Variants in ETNK1 observed in about 807,000 individuals in gnomAD.
ETNK1 encodes the protein ethanolamine kinase 1, also known as putative protein product of Nbla10396.
In ETNK1, 8 loss-of-function variants were observed where a neutral mutation model predicts 45.1. The observed-to-expected ratio is 0.18, with a 90% CI of 0.10 to 0.32. The LOEUF is 0.32. ETNK1 is among the 10% of genes least tolerant of loss of function. The pLI is 1.00. For synonymous variants in ETNK1, 152 were observed against 151.9 expected, an observed-to-expected ratio of 1.00 and a Z score of -0.01; for missense variants, 302 against 430.6, an observed-to-expected ratio of 0.70 and a Z score of 2.64.
chr12:22,639,739 C>G (rs1953711039), intron 1 of ETNK1, among the ~76,000 whole-genome samples: 1 of 151,940 alleles, frequency 6.6e-6, no homozygotes, highest in Non-Finnish European at 1.5e-5. Context: ...CAGTGTATTT[C>G]ATATTGCATC....
At chr12:22,635,085 T>C (rs1953637504) in intron 1 of ETNK1, among the ~76,000 whole-genome samples, 1 of 152,236 alleles carries the variant, frequency 6.6e-6, no homozygotes, top group South Asian at 2.1e-4. Context: ...ACACAGCCTT[T>C]CCACCCCTTC....
chr12:22,687,449 G>A lies in ETNK1; in HGVS notation c.*2495G>A, dbSNP rs922669711. The A allele has an allele frequency of 3.9e-5, 6 of 152,242 alleles. No individual in the cohort carries two copies. Among genetic ancestry groups the A allele is most frequent in the African/African-American group, 1.4e-4 (6 of 41,406 alleles). The allele number at this position is 152,242 out of a possible 1,614,324, so 9.4% of individuals were successfully genotyped here. A position where few individuals can be genotyped will look rare whatever the true frequency, so the allele number is the denominator to read the frequency against. On this transcript the variant is annotated 3_prime_UTR_variant, in exon 8 of 8. Coordinates refer to ENST00000266517, the MANE Select transcript of ETNK1 (RefSeq NM_018638.5). ...AAGCTCATTTTGTAAATATGAAAAT[G>A]GCTGTAAGAAGTGGCATTCATGTAT... is the stretch of plus-strand genomic sequence containing the variant.
At chr12:22,653,117 T>G (rs1458951218) in intron 2 of ETNK1, among the ~76,000 whole-genome samples, 1 of 152,102 alleles carries the variant, frequency 6.6e-6, no homozygotes, top group African/African-American at 2.4e-5. Flanking sequence ...TTCCCGTTGT[T>G]GTCCTTTCCT....
chr12:22,675,920 T>C (rs1264113493), intron 6 of ETNK1, among the ~76,000 whole-genome samples: 1 of 152,232 alleles, frequency 6.6e-6, no homozygotes, highest in African/African-American at 2.4e-5. Context: ...ATAGGGCATA[T>C]AGTAAGTGTT....
chr12:22,643,724 A>T lies in ETNK1; in HGVS notation c.157-39A>T. On this transcript the variant is annotated intron_variant, in intron 1 of 7. Coordinates refer to ENST00000266517, the MANE Select transcript of ETNK1 (RefSeq NM_018638.5). ...ATCTCCTGTTCTCTAAAGATAGATA[A>T]TTGCTTTTTTTCCCATTTTTAAAAA... 2 of 1,545,520 alleles carry T rather than the reference A, an allele frequency of 1.3e-6. 1 individual carries two copies. Among genetic ancestry groups the T allele is most frequent in the South Asian group, 2.4e-5 (2 of 82,416 alleles).
intron 1 of ETNK1, among the ~76,000 whole-genome samples, chr12:22,637,559 T>G (rs1953671699): frequency 6.6e-6 from 1 of 152,200 alleles, no homozygotes; most frequent in South Asian, 2.1e-4. Flanking sequence ...TTGTATGTGT[T>G]GGGGATATAG....
intron 4 of ETNK1, 27 bp from the exon 5 acceptor site, chr12:22,671,245 A>T (rs1415957121): frequency 7.0e-7 from 1 of 1,433,210 alleles, no homozygotes; most frequent in Non-Finnish European, 9.8e-7. Flanking sequence ...TGATTTCTTA[A>T]TGTCTTTGTT....
chr12:22,686,235 G>A lies in ETNK1; in HGVS notation c.*1281G>A, dbSNP rs1954259603. On this transcript the variant is annotated 3_prime_UTR_variant, in exon 8 of 8. Coordinates refer to ENST00000266517, the MANE Select transcript of ETNK1 (RefSeq NM_018638.5). ...GTAAGAGGGAGGTAATTATTGTATG[G>A]AAAGAAGTTAGATCTTTCAGATAGA... The A allele has an allele frequency of 6.6e-6, 1 of 152,278 alleles. No homozygotes were observed. The highest frequency in any genetic ancestry group is 1.5e-5 in the Non-Finnish European group (1 of 67,824). 9.4% of individuals were successfully genotyped at this position (152,278 alleles called of 1,614,324 possible).
chr12:22,682,596 CAGGGTAGA>C (rs1954224010), intron 6 of ETNK1, among the ~76,000 whole-genome samples: 1 of 152,038 alleles, frequency 6.6e-6, no homozygotes, highest in Non-Finnish European at 1.5e-5. Flanking sequence ...GCACGTACTC[CAGGGTAGA>C]GATTTAATAA....
In ETNK1 at chr12:22,685,373, C is replaced by G. The variant is rs1954251846; in HGVS notation, c.*419C>G. 1 of 153,776 alleles carries G rather than the reference C, an allele frequency of 6.5e-6. No homozygotes were observed. The highest frequency in any genetic ancestry group is 1.4e-5 in the Non-Finnish European group (1 of 69,168). 9.5% of individuals were successfully genotyped at this position (153,776 alleles called of 1,614,324 possible). A position where few individuals can be genotyped will look rare whatever the true frequency, so the allele number is the denominator to read the frequency against. ...AATAAGATTAATTTCAGTAAACATT[C>G]TAGTTGTTCAGTGTAACCTTTTTAT... On this transcript the variant is annotated 3_prime_UTR_variant, in exon 8 of 8. Coordinates refer to ENST00000266517, the MANE Select transcript of ETNK1 (RefSeq NM_018638.5).
At chr12:22,669,289 A>C (rs977759770) in intron 4 of ETNK1, among the ~76,000 whole-genome samples, 6 of 151,748 alleles carry the variant, frequency 4.0e-5, no homozygotes, top group African/African-American at 1.5e-4. Context: ...TTTTCCTTTA[A>C]TTTATTTCTA....
At chr12:22,638,228 C>G (rs1953680261) in intron 1 of ETNK1, among the ~76,000 whole-genome samples, 1 of 151,206 alleles carries the variant, frequency 6.6e-6, no homozygotes. Flanking sequence ...ACTTTTTTCC[C>G]CCTTTTTAAC....
In ETNK1 at chr12:22,688,834, G is replaced by A. The variant is rs940228141; in HGVS notation, c.*3880G>A. 3 of 151,918 alleles carry A rather than the reference G, an allele frequency of 2.0e-5. No individual in the cohort carries two copies. The highest frequency in any genetic ancestry group is 1.9e-4 in the East Asian group (1 of 5,180). 9.4% of individuals were successfully genotyped at this position (151,918 alleles called of 1,614,324 possible). On this transcript the variant is annotated 3_prime_UTR_variant, in exon 8 of 8. Coordinates refer to ENST00000266517, the MANE Select transcript of ETNK1 (RefSeq NM_018638.5). Reference sequence around the variant, plus strand: ...AGATTCCAGAATGTCCTTTTACTGGGAATTTAGTTATGTATTAAGATAACC... The same window carrying A: ...AGATTCCAGAATGTCCTTTTACTGGAAATTTAGTTATGTATTAAGATAACC...
chr12:22,627,922 G>C (rs901193242), intron 1 of ETNK1, among the ~76,000 whole-genome samples: 3 of 152,000 alleles, frequency 2.0e-5, no homozygotes, highest in African/African-American at 7.2e-5. Flanking sequence ...AGACTTACTA[G>C]AGTCAAAATG....
At chr12:22,680,834 G>A (rs1421858495) in intron 6 of ETNK1, among the ~76,000 whole-genome samples, 1 of 149,840 alleles carries the variant, frequency 6.7e-6, no homozygotes, top group Non-Finnish European at 1.5e-5. Context: ...ACAAAAGTAG[G>A]TATATGGGTT....
chr12:22,654,117 A>C (rs1953911856), intron 2 of ETNK1, among the ~76,000 whole-genome samples: 1 of 152,218 alleles, frequency 6.6e-6, no homozygotes, highest in African/African-American at 2.4e-5. Context: ...GGCCCAAAGA[A>C]ATTTACTTGC....
At chr12:22,661,272 C>A in intron 4 of ETNK1, 67 bp downstream of exon 4, 1 of 1,337,534 alleles carries the variant, frequency 7.5e-7, no homozygotes, top group Non-Finnish European at 1.0e-6. Flanking sequence ...CATTTTATCT[C>A]TATATCAACA....
intron 6 of ETNK1, among the ~76,000 whole-genome samples, chr12:22,676,405 TCATTGATGGG>T (rs1228432752): frequency 1.3e-5 from 2 of 152,206 alleles, no homozygotes; most frequent in Non-Finnish European, 2.9e-5. Flanking sequence ...ATCCAATCTA[TCATTGATGGG>T]CATTTGGGTT....
At chr12:22,664,010 A>G (rs1418265451) in intron 4 of ETNK1, among the ~76,000 whole-genome samples, 4 of 152,026 alleles carry the variant, frequency 2.6e-5, no homozygotes, top group African/African-American at 4.8e-5. Context: ...CTAAAACTAA[A>G]GTATGACAAG....
Sources: gnomAD v4.1 joint callset for allele counts (sites outside exome capture counted in the v4.1 genomes callset) on GRCh38, gnomAD v4.1.1 for gene constraint, MANE v1.5 for transcripts, NCBI Gene and HGNC (gene_info 2026-07-23, HGNC 2026-07-21) for gene names.